PATZ1: variants seen among roughly 807,000 people sequenced by gnomAD.
The protein encoded by PATZ1 is POZ/BTB and AT hook containing zinc finger 1, also known as POZ-, AT hook-, and zinc finger-containing protein 1.
Under a neutral mutation model 46.2 loss-of-function variants are expected in PATZ1, and 9 were observed. The ratio of observed to expected loss-of-function variants is 0.19; its 90% confidence interval spans 0.12 to 0.34. PATZ1 has a LOEUF of 0.34. PATZ1 is among the 10% of genes least tolerant of loss of function. PATZ1 has a pLI of 1.00. For synonymous variants in PATZ1, 426 were observed against 378.6 expected (o/e 1.13, Z -1.45); for missense variants, 632 against 923.0 (o/e 0.68, Z 4.08).
chr22:31,328,667 T>C lies in PATZ1; in HGVS notation c.1645+120A>G. The C allele has an allele frequency of 1.2e-6, 1 of 861,152 alleles. No homozygotes were observed. The highest frequency in any genetic ancestry group is 1.9e-6 in the Non-Finnish European group (1 of 524,222). The allele number at this position is 861,152 out of a possible 1,614,324, so 53.3% of individuals were successfully genotyped here. ...CCTGGAGGCCACTGCCACTCAGATC[T>C]CTGAGTCTCCTCAAGGCAGCCAGAA... On this transcript the variant is annotated intron_variant, in intron 4 of 4. Coordinates refer to ENST00000266269, the MANE Select transcript of PATZ1 (RefSeq NM_014323.3). This position sits in a 1 kb window ranked among gnomAD's most constrained non-coding sequence, Gnocchi z 4.8.
rs774400596 is a variant in PATZ1, at chr22:31,345,486, G to C, written c.117C>G (p.Arg39=). 1.2e-5 allele frequency: 20 copies of C among 1,611,536 alleles called. 1 individual carries two copies. In the South Asian group the frequency reaches 1.3e-4, roughly 11 times the overall value. ...CTACCCGCAAGAGCACGTCGCAGAA[G>C]CGCCCGCCGTTTTTGCGCTGCTGGT... ...NLNQQRKNGG[R]FCDVLLRVGD... Residue 39 remains arginine, a synonymous_variant, in exon 1 of 5, where the codon CGC becomes CGG. Transcript: ENST00000266269. This position sits in a 1 kb window ranked among gnomAD's most constrained non-coding sequence, Gnocchi z 7.4.
In PATZ1 at chr22:31,328,974, C is replaced by CT; in HGVS notation, c.1508-51dup. On this transcript the variant is annotated intron_variant, in intron 3 of 4. Transcript: ENST00000266269. The surrounding 1 kb of genome is among the most constrained non-coding windows in gnomAD (Gnocchi z 4.8). ...ATCCCGCGGCCAGCAAGAGATACCT[C>CT]TCTCCTTCCCCCAACTCCTCTCCTC... 3 of 1,473,630 alleles carry CT rather than the reference C, an allele frequency of 2.0e-6. No homozygotes were observed. Among genetic ancestry groups the CT allele is most frequent in the African/African-American group, 2.7e-5 (1 of 36,848 alleles). The allele number at this position is 1,473,630 out of a possible 1,614,324, so 91.3% of individuals were successfully genotyped here. A position where few individuals can be genotyped will look rare whatever the true frequency, so the allele number is the denominator to read the frequency against.
Position 31,344,639 on chromosome 22 carries a change from C to A in PATZ1, c.964G>T (p.Gly322Cys), listed in dbSNP as rs1405102519. ...AQHGVTSLQL[G>C]YIDLPPPRLG... ...CTCGGAGGAGGAAGGTCGATGTAGC[C>A]CAGCTGGAGGCTGGTGACACCGTGC... Residue 322 changes from glycine to cysteine, a missense_variant, in exon 1 of 5, where the codon GGC (glycine) becomes TGC (cysteine). Transcript: ENST00000266269. The A allele has an allele frequency of 1.2e-6, 2 of 1,614,064 alleles. No individual in the cohort carries two copies. The highest frequency in any genetic ancestry group is 1.7e-6 in the Non-Finnish European group (2 of 1,180,044).
intron 2 of PATZ1, chr22:31,341,531 G>A (rs2049581727): frequency 1.2e-6 from 2 of 1,613,990 alleles, no homozygotes; most frequent in Non-Finnish European, 1.7e-6. Context: ...GGTTTTCAAG[G>A]GCTGGGAATG....
Position 31,344,363 on chromosome 22 carries a change from T to C in PATZ1, c.1240A>G (p.Ile414Val), listed in dbSNP as rs1209377481. The change falls in exon 1 of 5, where the codon ATC becomes GTC. Residue 414 changes from isoleucine (I) to valine (V), a missense_variant. Physicochemically the swap from Ile to Val is conservative, Grantham distance 29. Around this residue, in one of 7 missense-constraint regions of PATZ1, gnomAD observed 55 missense variants for 169.0 expected, o/e 0.33. Coordinates refer to ENST00000266269, the MANE Select transcript of PATZ1 (RefSeq NM_014323.3). Reference sequence around the variant, plus strand: ...AAGCCTTTCCCACAGCTCTGGCAGATGTAAGGCTTGCCCACGGACCCATCA... The same window carrying C: ...AAGCCTTTCCCACAGCTCTGGCAGACGTAAGGCTTGCCCACGGACCCATCA... ...SHDGSVGKPY[I>V]CQSCGKGFSR... 6.2e-7 allele frequency: 1 copy of C among 1,612,862 alleles called. No individual in the cohort carries two copies. Among genetic ancestry groups the C allele is most frequent in the Non-Finnish European group, 8.5e-7 (1 of 1,179,390 alleles).
At chr22:31,344,199 ACT>A (rs1362873355) in intron 1 of PATZ1, 131 bp downstream of exon 1, 7 of 810,292 alleles carry the variant, frequency 8.6e-6, no homozygotes, top group Non-Finnish European at 1.2e-5. Flanking sequence ...CCTTAAAAAC[ACT>A]CTACCCAAAC....
intron 2 of PATZ1, chr22:31,341,490 A>G (rs1345180453): frequency 6.2e-7 from 1 of 1,613,396 alleles, no homozygotes; most frequent in East Asian, 2.2e-5. Context: ...GGCTGGGCAG[A>G]AGAGAGTGTT....
intron 2 of PATZ1, among the ~76,000 whole-genome samples, chr22:31,336,554 C>T (rs1887200422): frequency 6.6e-6 from 1 of 152,044 alleles, no homozygotes; most frequent in African/African-American, 2.4e-5. Flanking sequence ...CTTGTAATCC[C>T]AGCGCTTTGG....
Position 31,327,239 on chromosome 22 carries a change from G to A in PATZ1, c.1716C>T (p.Ser572=), listed in dbSNP as rs776715716. The A allele has an allele frequency of 6.2e-6, 10 of 1,613,968 alleles. No individual in the cohort carries two copies. The highest frequency in any genetic ancestry group is 2.2e-5 in the East Asian group (1 of 44,902). ...TCTGCTTCTCTGGCGTCTTCAGGTCGCTGGCATCTGAGAGGTCACCATAGG... is the reference window on the plus strand; with the variant it reads ...TCTGCTTCTCTGGCGTCTTCAGGTCACTGGCATCTGAGAGGTCACCATAGG... ...SDSYGDLSDA[S]DLKTPEKQSA... The change falls in exon 5 of 5, where the codon AGC becomes AGT. Residue 572 remains serine, a synonymous_variant. Coordinates refer to ENST00000266269, the MANE Select transcript of PATZ1 (RefSeq NM_014323.3). This position sits in a 1 kb window ranked among gnomAD's most constrained non-coding sequence, Gnocchi z 4.2.
chr22:31,332,150 G>A (rs548384093), intron 3 of PATZ1, among the ~76,000 whole-genome samples: 1 of 152,242 alleles, frequency 6.6e-6, no homozygotes, highest in African/African-American at 2.4e-5. Flanking sequence ...ACACGTGGCT[G>A]AGTCCTCTTG....
At position 31,328,818 on chromosome 22, in the gene PATZ1, C is replaced by T. The variant is rs1336541017; in HGVS notation, c.1614G>A (p.Ala538=). The change falls in exon 4 of 5, where the codon GCG becomes GCA. Residue 538 remains alanine (A), a synonymous_variant. Coordinates refer to ENST00000266269, the MANE Select transcript of PATZ1 (RefSeq NM_014323.3). This position sits in a 1 kb window ranked among gnomAD's most constrained non-coding sequence, Gnocchi z 4.8. ...TGCCATAGGTCCTGGCGCAGTGGAACGCTGCTCCCCCATTCAGGATGGGCT... is the reference window on the plus strand; with the variant it reads ...TGCCATAGGTCCTGGCGCAGTGGAATGCTGCTCCCCCATTCAGGATGGGCT... ...HQEPILNGGA[A]FHCARTYGNK... is the part of the protein sequence containing the mutation. The T allele has an allele frequency of 6.2e-6, 10 of 1,613,594 alleles. No individual in the cohort carries two copies. Among genetic ancestry groups the T allele is most frequent in the East Asian group, 2.2e-5 (1 of 44,878 alleles).
chr22:31,335,503 C>T (rs535602562), intron 3 of PATZ1, 189 bp downstream of exon 3: 1 of 580,962 alleles, frequency 1.7e-6, no homozygotes, highest in African/African-American at 1.9e-5. Context: ...TTCTAAGCAC[C>T]CCAAGCTTCT....
Position 31,345,771 on chromosome 22 carries a change from C to G in PATZ1, c.-169G>C, listed in dbSNP as rs1401148434. 3 of 672,156 alleles carry G rather than the reference C, an allele frequency of 4.5e-6. No individual in the cohort carries two copies. The highest frequency in any genetic ancestry group is 2.0e-5 in the South Asian group (1 of 49,702). 41.6% of individuals were successfully genotyped at this position (672,156 alleles called of 1,614,324 possible). A position where few individuals can be genotyped will look rare whatever the true frequency, so the allele number is the denominator to read the frequency against. On this transcript the variant is annotated 5_prime_UTR_variant, in exon 1 of 5. Coordinates refer to ENST00000266269, the MANE Select transcript of PATZ1 (RefSeq NM_014323.3). The surrounding 1 kb of genome is among the most constrained non-coding windows in gnomAD (Gnocchi z 7.4). The stretch of plus-strand genomic sequence containing the variant: ...GAGTGTACACGCCCCCAGCCCGGAT[C>G]AGACTGTCTAGACTGCGGGGTGCAC...
chr22:31,331,976 G>A (rs1208488330), intron 3 of PATZ1, among the ~76,000 whole-genome samples: 4 of 152,082 alleles, frequency 2.6e-5, no homozygotes, highest in Admixed American at 6.6e-5. Context: ...CGGGCGTGGT[G>A]GTGCATGCCT....
At chr22:31,343,267 G>A in intron 1 of PATZ1, 1 of 1,121,630 alleles carries the variant, frequency 8.9e-7, no homozygotes, top group Non-Finnish European at 1.1e-6. Context: ...GGTGGCAGTA[G>A]AATGAAACAG....
intron 3 of PATZ1, among the ~76,000 whole-genome samples, chr22:31,332,865 A>C (rs1233790987): frequency 6.6e-6 from 1 of 152,260 alleles, no homozygotes; most frequent in Non-Finnish European, 1.5e-5. Flanking sequence ...GCACATAGGC[A>C]TATATACAAA....
chr22:31,341,180 A>C (rs1353479711), intron 2 of PATZ1: 31 of 1,239,744 alleles, frequency 2.5e-5, no homozygotes, highest in Non-Finnish European at 2.9e-5. Context: ...GGGAAAAGGC[A>C]AGAGAGCCCA....
rs552870719 is a variant in PATZ1 at position 31,326,680 on chromosome 22, T to C, written c.*211A>G. 4 of 560,640 alleles carry C rather than the reference T, an allele frequency of 7.1e-6. No homozygotes were observed. Among genetic ancestry groups the C allele is most frequent in the Middle Eastern group, 4.7e-4 (1 of 2,108 alleles). The allele number at this position is 560,640 out of a possible 1,614,324, so 34.7% of individuals were successfully genotyped here. On this transcript the variant is annotated 3_prime_UTR_variant, in exon 5 of 5. Coordinates refer to ENST00000266269, the MANE Select transcript of PATZ1 (RefSeq NM_014323.3). The stretch of plus-strand genomic sequence containing the variant: ...TGCCCCTGTCCCATACCAAGTCTCA[T>C]TGATATTTCTGCAGAATATCAGATG...
chr22:31,342,887 C>T lies in PATZ1; in HGVS notation c.1335+10G>A. On this transcript the variant is annotated intron_variant, in intron 2 of 4. Coordinates refer to ENST00000266269, the MANE Select transcript of PATZ1 (RefSeq NM_014323.3). ...CCTTCAGCCCATCTCTGCCCTGACC[C>T]AGCCCCTACCTGACACTTGTGAGGC... 2 of 1,613,882 alleles carry T rather than the reference C, an allele frequency of 1.2e-6. No individual in the cohort carries two copies. Among genetic ancestry groups the T allele is most frequent in the South Asian group, 1.1e-5 (1 of 91,062 alleles).
Sources: gnomAD v4.1 joint callset for allele counts (sites outside exome capture counted in the v4.1 genomes callset) on GRCh38, gnomAD v4.1.1 for gene constraint, gnomAD v4.1.1 regional missense constraint, Gnocchi (gnomAD v3.1) non-coding constraint, MANE v1.5 for transcripts, NCBI Gene and HGNC (gene_info 2026-07-23, HGNC 2026-07-21) for gene names.